Variants in ANKRD17 observed in about 807,000 individuals in gnomAD.
ANKRD17 encodes ankyrin repeat domain-containing protein 17.
Under a neutral mutation model 229.7 loss-of-function variants are expected in ANKRD17, and 19 were observed. The observed-to-expected ratio is 0.08, with a 90% CI of 0.06 to 0.12. The LOEUF is 0.12. Among genes scored for constraint, ANKRD17 ranks in the 10% least tolerant of loss-of-function variants. The probability of loss-of-function intolerance (pLI) is 1.00; values close to 1 mark genes in which losing one functional copy is unlikely to be tolerated. For missense variants in ANKRD17, 2,176 were observed against 3,176.8 expected (o/e 0.68, Z 7.57); for synonymous variants, 1,112 against 1,146.1 (o/e 0.97, Z 0.60).
In ANKRD17 at chr4:73,201,598, T is replaced by C. The variant is rs1393067519; in HGVS notation, c.394-24065A>G. 2.0e-5 allele frequency among the ~76,000 whole-genome samples: 3 copies of C among 152,280 alleles called. No individual in the cohort carries two copies. In the East Asian group the frequency reaches 5.8e-4, roughly 29 times the overall value. On this transcript the variant is annotated intron_variant, in intron 1 of 33. Coordinates refer to ENST00000358602, the MANE Select transcript of ANKRD17 (RefSeq NM_032217.5). ...AACTGAAAGGAAATGTATCAAAATA[T>C]AACACCATTAATTTTTCTAACACAG...
chr4:73,161,984 C>T (rs759471910), intron 2 of ANKRD17, among the ~76,000 whole-genome samples: 3 of 151,752 alleles, frequency 2.0e-5, no homozygotes, highest in South Asian at 2.1e-4. Context: ...TCAAGTGATC[C>T]GCCCAACTCA....
intron 22 of ANKRD17, among the ~76,000 whole-genome samples, chr4:73,117,144 G>A (rs371851184): frequency 3.9e-5 from 6 of 152,086 alleles, no homozygotes; most frequent in African/African-American, 1.4e-4. Context: ...ATCTCGATGT[G>A]AACTCAAATA....
intron 1 of ANKRD17, among the ~76,000 whole-genome samples, chr4:73,203,290 T>C (rs979240431): frequency 6.6e-5 from 10 of 152,138 alleles, no homozygotes; most frequent in Admixed American, 2.0e-4. Context: ...CAAACCCTCA[T>C]CTTTGTGTCT....
At chr4:73,079,875 G>A (rs1721377043) in intron 30 of ANKRD17, among the ~76,000 whole-genome samples, 1 of 152,168 alleles carries the variant, frequency 6.6e-6, no homozygotes, top group African/African-American at 2.4e-5. Flanking sequence ...AGCACTTTGG[G>A]AGGCCAAGGC....
At position 73,149,196 on chromosome 4, in the gene ANKRD17, G is replaced by A. The variant is rs960116998; in HGVS notation, c.1330-146C>T. The A allele has an allele frequency of 4.6e-6, 3 of 656,648 alleles. No individual in the cohort carries two copies. The African/African-American group carries it at 5.5e-5, about 12-fold the overall frequency. 40.7% of individuals were successfully genotyped at this position (656,648 alleles called of 1,614,324 possible). On this transcript the variant is annotated intron_variant, in intron 7 of 33. Transcript: ENST00000358602. ...CTACATTTAACAGTTGAGTAAATCA[G>A]TATTTATTATGCACTGCCTATATTC...
chr4:73,132,487 T>C (rs1728348498), intron 16 of ANKRD17, among the ~76,000 whole-genome samples: 1 of 152,164 alleles, frequency 6.6e-6, no homozygotes, highest in African/African-American at 2.4e-5. Context: ...ACAGTATTTT[T>C]TTCCAAGGTA....
At position 73,126,792 on chromosome 4, in the gene ANKRD17, C is replaced by T. The variant is rs188270017; in HGVS notation, c.3235-1480G>A. On this transcript the variant is annotated intron_variant, in intron 16 of 33. Coordinates refer to ENST00000358602, the MANE Select transcript of ANKRD17 (RefSeq NM_032217.5). ...TGTCACCCAGGCTGGAGTGCAGTGGCGCGATCTTGGCTGTCTGCAATCTCT... is the reference window on the plus strand; with the variant it reads ...TGTCACCCAGGCTGGAGTGCAGTGGTGCGATCTTGGCTGTCTGCAATCTCT... 3.7e-4 allele frequency among the ~76,000 whole-genome samples: 57 copies of T among 152,114 alleles called. 1 individual carries two copies. Among genetic ancestry groups the T allele is most frequent in the African/African-American group, 1.3e-3 (53 of 41,506 alleles).
rs557210579 is a variant in ANKRD17 at position 73,238,137 on chromosome 4, ACT to A, written c.393+20137_393+20138del. Among the ~76,000 whole-genome samples the A allele has an allele frequency of 2.9e-3, 437 of 151,712 alleles. 5 individuals are homozygous for A. The highest frequency in any genetic ancestry group is 0.01 in the African/African-American group (426 of 41,422). ...TCTCAGTAGTCAGAATTTTCATAAG[ACT>A]CTCTATTTTTATTCATACTTCAGTT... On this transcript the variant is annotated intron_variant, in intron 1 of 33. Transcript: ENST00000358602.
In ANKRD17 at chr4:73,141,763, G is replaced by A; in HGVS notation, c.2310C>T (p.Thr770=). 3.7e-6 allele frequency: 6 copies of A among 1,613,766 alleles called. No individual in the cohort carries two copies. The highest frequency in any genetic ancestry group is 5.1e-6 in the Non-Finnish European group (6 of 1,179,782). Residue 770 remains threonine, a synonymous_variant, in exon 14 of 34, where the codon ACC becomes ACT. Coordinates refer to ENST00000358602, the MANE Select transcript of ANKRD17 (RefSeq NM_032217.5). Reference sequence around the variant, plus strand: ...GACCTTTATTCCTGATGGGAAGAGTGGTGGCAACATTGGCAGGTGGTTTGT... The same window carrying A: ...GACCTTTATTCCTGATGGGAAGAGTAGTGGCAACATTGGCAGGTGGTTTGT... ...EPDKPPANVA[T]TLPIRNKAAS... is the part of the protein sequence containing the mutation.
chr4:73,121,655 G>A lies in ANKRD17; in HGVS notation c.3597C>T (p.Ile1199=), dbSNP rs765325796. ...CAGCTCCTGCATTTAGTAATATTTT[G>A]ATGATGTTCACATAGCCACCAGAAG... ...LAASGGYVNI[I]KILLNAGAEI... The change falls in exon 19 of 34, where the codon ATC becomes ATT. Residue 1199 remains isoleucine, a synonymous_variant. Transcript: ENST00000358602. The A allele has an allele frequency of 6.2e-7, 1 of 1,613,742 alleles. No individual in the cohort carries two copies. The highest frequency in any genetic ancestry group is 1.1e-5 in the South Asian group (1 of 91,054).
At chr4:73,106,992 T>G (rs1279657050) in intron 24 of ANKRD17, among the ~76,000 whole-genome samples, 1 of 151,890 alleles carries the variant, frequency 6.6e-6, no homozygotes, top group Non-Finnish European at 1.5e-5. Flanking sequence ...AGGTAGACTT[T>G]TAAGAAGCCA....
intron 1 of ANKRD17, among the ~76,000 whole-genome samples, chr4:73,224,702 A>G (rs1441645470): frequency 2.0e-5 from 3 of 152,208 alleles, no homozygotes; most frequent in African/African-American, 7.2e-5. Flanking sequence ...CAGTAATCCT[A>G]AAACATATTA....
chr4:73,211,028 T>C (rs1390009864), intron 1 of ANKRD17, among the ~76,000 whole-genome samples: 2 of 152,102 alleles, frequency 1.3e-5, no homozygotes, highest in Non-Finnish European at 2.9e-5. Flanking sequence ...CTTCAAATCA[T>C]TTTGGGGGAT....
In ANKRD17 at chr4:73,258,494, C is replaced by G; in HGVS notation, c.175G>C (p.Asp59His). ...GGCGGCTTCTTCTTCAGGAGCAGGT[C>G]GCAGACTCGCACCATCCCACGAGGA... is the stretch of plus-strand genomic sequence containing the variant. Reference protein sequence around the residue: ...SSPRGMVRVCDLLLKKKPPQQ... With the variant: ...SSPRGMVRVCHLLLKKKPPQQ... Residue 59 changes from aspartate (D) to histidine (H), a missense_variant, in exon 1 of 34, where the codon GAC becomes CAC. Physicochemically the swap from Asp to His is moderately conservative, Grantham distance 81. Around this residue, in one of 18 missense-constraint regions of ANKRD17, gnomAD observed 196 missense variants for 190.0 expected, o/e 1.03. Coordinates refer to ENST00000358602, the MANE Select transcript of ANKRD17 (RefSeq NM_032217.5). 1 of 1,566,820 alleles carries G rather than the reference C, an allele frequency of 6.4e-7. No individual in the cohort carries two copies.
At chr4:73,214,845 ATT>A (rs1740791038) in intron 1 of ANKRD17, among the ~76,000 whole-genome samples, 1 of 140,930 alleles carries the variant, frequency 7.1e-6, no homozygotes, top group African/African-American at 2.6e-5. Context: ...TTTCGTCTCT[ATT>A]AAAAAAAAAA....
At position 73,124,918 on chromosome 4, in the gene ANKRD17, G is replaced by T. The variant is rs768022887; in HGVS notation, c.3487C>A (p.Gln1163Lys). Residue 1163 changes from glutamine to lysine, a missense_variant, in exon 18 of 34, where the codon CAG (glutamine) becomes AAG (lysine). Gln to Lys is a moderately conservative substitution (Grantham distance 53, BLOSUM62 1). Around this residue, in one of 18 missense-constraint regions of ANKRD17, gnomAD observed 178 missense variants for 421.7 expected, o/e 0.42. Transcript: ENST00000358602. Reference sequence around the variant, plus strand: ...ACACTAAGGGGAAACATTACCTCCTGTCTTCCCCCAGAACAAGCCAAGGAG... The same window carrying T: ...ACACTAAGGGGAAACATTACCTCCTTTCTTCCCCCAGAACAAGCCAAGGAG... ...PLSLACSGGR[Q>K]EVVELLLARG... 6.2e-7 allele frequency: 1 copy of T among 1,613,996 alleles called. No individual in the cohort carries two copies. Among genetic ancestry groups the T allele is most frequent in the Non-Finnish European group, 8.5e-7 (1 of 1,179,978 alleles).
chr4:73,140,493 A>G (rs1470186618), intron 14 of ANKRD17, among the ~76,000 whole-genome samples: 3 of 152,224 alleles, frequency 2.0e-5, no homozygotes, highest in South Asian at 2.1e-4. Context: ...TTTGTAAATT[A>G]ATTTCAGAAT....
intron 15 of ANKRD17, among the ~76,000 whole-genome samples, chr4:73,136,328 T>A (rs1728890679): frequency 6.6e-6 from 1 of 152,130 alleles, no homozygotes; most frequent in Non-Finnish European, 1.5e-5. Context: ...GATTCACAAC[T>A]GGATCTGAAA....
At chr4:73,093,985 A>T (rs955116484) in intron 28 of ANKRD17, 94 bp downstream of exon 28, 1 of 1,214,934 alleles carries the variant, frequency 8.2e-7, no homozygotes, top group Non-Finnish European at 1.2e-6. Flanking sequence ...TATACTATGT[A>T]ACACAAAGTT....
Sources: allele counts gnomAD v4.1 joint callset (sites outside exome capture counted in the v4.1 genomes callset), GRCh38; gene constraint gnomAD v4.1.1; regional missense constraint gnomAD v4.1.1; transcripts MANE v1.5; gene names NCBI Gene and HGNC (gene_info 2026-07-23, HGNC 2026-07-21).